ABCA13: variants seen among roughly 807,000 people sequenced by gnomAD.
ABCA13 encodes ATP-binding cassette sub-family A member 13.
A neutral mutation model predicts 478.7 loss-of-function variants in ABCA13; 476 were observed. The ratio of observed to expected loss-of-function variants is 0.99; its 90% confidence interval spans 0.92 to 1.07. The LOEUF is 1.07. Ranked by LOEUF, ABCA13 falls within the 50% of genes least tolerant of loss-of-function variation. The pLI is 0.00. For synonymous variants in ABCA13, 2,252 were observed against 2,158.9 expected (o/e 1.04, Z -1.20); for missense variants, 6,060 against 5,910.6 (o/e 1.03, Z -0.83).
At chr7:48,373,071 G>A (rs1490373699) in intron 33 of ABCA13, among the ~76,000 whole-genome samples, 1 of 152,142 alleles carries the variant, frequency 6.6e-6, no homozygotes, top group Non-Finnish European at 1.5e-5. Flanking sequence ...TCAAAGCGAG[G>A]GTGAACCATC....
chr7:48,619,670 C>T (rs1792940702), intron 59 of ABCA13, among the ~76,000 whole-genome samples: 2 of 152,058 alleles, frequency 1.3e-5, no homozygotes, highest in African/African-American at 4.8e-5. Flanking sequence ...CTAGAGTGTT[C>T]CGTGAAAGTG....
intron 15 of ABCA13, among the ~76,000 whole-genome samples, chr7:48,253,897 CT>C (rs201562067): frequency 1.3e-4 from 20 of 151,038 alleles, no homozygotes; most frequent in Non-Finnish European, 2.8e-4. Context: ...ACCTCAATTT[CT>C]TTTTTTTTCT....
Position 48,248,374 on chromosome 7 carries a change from C to T in ABCA13, c.1795C>T (p.Leu599=). Residue 599 remains leucine, a synonymous_variant, in exon 14 of 62, where the codon CTG becomes TTG. Coordinates refer to ENST00000435803, the MANE Select transcript of ABCA13 (RefSeq NM_152701.5). ...TTCCTGTACTCGGCTCTTCCTGCTGCTGGGAGCTGATCCCTCTCCTGAGAA... is the reference window on the plus strand; with the variant it reads ...TTCCTGTACTCGGCTCTTCCTGCTGTTGGGAGCTGATCCCTCTCCTGAGAA... ...SLSCTRLFLL[L]GADPSPENDV... is the part of the protein sequence containing the mutation. 1 of 1,613,730 alleles carries T rather than the reference C, an allele frequency of 6.2e-7. No individual in the cohort carries two copies. Among genetic ancestry groups the T allele is most frequent in the Non-Finnish European group, 8.5e-7 (1 of 1,179,728 alleles).
Position 48,287,980 on chromosome 7 carries a change from G to A in ABCA13, c.8857G>A (p.Asp2953Asn). ...IVAENPSWTK[D>N]ILCATLSCKQ... is the part of the protein sequence containing the mutation. ...GGCAGAAAACCCTTCCTGGACCAAG[G>A]ACATTTTGTGTGCTACTCTGAGTTG... is the stretch of plus-strand genomic sequence containing the variant. Residue 2953 changes from aspartate (D) to asparagine (N), a missense_variant, in exon 20 of 62, where the codon GAC becomes AAC. Coordinates refer to ENST00000435803, the MANE Select transcript of ABCA13 (RefSeq NM_152701.5). 1 of 1,613,858 alleles carries A rather than the reference G, an allele frequency of 6.2e-7. No individual in the cohort carries two copies. The highest frequency in any genetic ancestry group is 8.5e-7 in the Non-Finnish European group (1 of 1,179,840).
intron 39 of ABCA13, among the ~76,000 whole-genome samples, chr7:48,405,839 G>A (rs530286860): frequency 5.7e-4 from 81 of 142,378 alleles, no homozygotes; most frequent in Non-Finnish European, 5.8e-4. Flanking sequence ...ACTGTCCTTC[G>A]TTGTTTAGCA....
intron 1 of ABCA13, among the ~76,000 whole-genome samples, chr7:48,190,236 C>T (rs1796915229): frequency 6.6e-6 from 1 of 152,108 alleles, no homozygotes; most frequent in African/African-American, 2.4e-5. Flanking sequence ...AATGGTACCT[C>T]ACGGATCTAC....
intron 29 of ABCA13, among the ~76,000 whole-genome samples, chr7:48,344,231 G>A (rs1469073968): frequency 2.0e-5 from 3 of 152,186 alleles, no homozygotes; most frequent in African/African-American, 4.8e-5. Flanking sequence ...CCACCTAACA[G>A]GTAGAGGCTA....
chr7:48,623,387 A>T (rs1432397686), intron 59 of ABCA13, among the ~76,000 whole-genome samples: 1 of 152,038 alleles, frequency 6.6e-6, no homozygotes, highest in Non-Finnish European at 1.5e-5. Flanking sequence ...GAGTGTTTTT[A>T]TTCTGTTTGA....
At chr7:48,644,579 T>G in intron 60 of ABCA13, 38 bp from the exon 61 acceptor site, 1 of 1,555,462 alleles carries the variant, frequency 6.4e-7, no homozygotes, top group Non-Finnish European at 8.7e-7. Context: ...ATAATGCTAG[T>G]TATATGATAC....
At chr7:48,539,944 C>T (rs1019507265) in intron 55 of ABCA13, among the ~76,000 whole-genome samples, 4 of 152,124 alleles carry the variant, frequency 2.6e-5, no homozygotes, top group Admixed American at 2.6e-4. Flanking sequence ...TTGGGTTAAT[C>T]TATGTCAATA....
chr7:48,297,786 C>CCTT (rs1554424130), intron 22 of ABCA13, among the ~76,000 whole-genome samples: 1 of 142,000 alleles, frequency 7.0e-6, no homozygotes. Flanking sequence ...TTCTTTCTTT[C>CCTT]TTTTTTTTTT....
intron 42 of ABCA13, among the ~76,000 whole-genome samples, chr7:48,447,529 C>T (rs995148795): frequency 3.9e-5 from 6 of 152,012 alleles, no homozygotes; most frequent in African/African-American, 1.4e-4. Context: ...GCAATGAAGC[C>T]CCATTAATGA....
chr7:48,205,828 G>A (rs936972522), intron 3 of ABCA13, among the ~76,000 whole-genome samples: 1 of 152,012 alleles, frequency 6.6e-6, no homozygotes, highest in Non-Finnish European at 1.5e-5. Flanking sequence ...GTTACACTAT[G>A]TTACTTATCA....
intron 42 of ABCA13, among the ~76,000 whole-genome samples, chr7:48,451,851 C>T (rs1238757748): frequency 2.0e-5 from 3 of 152,130 alleles, no homozygotes; most frequent in Non-Finnish European, 4.4e-5. Flanking sequence ...TTTTCCCAAG[C>T]AATTTGATGG....
intron 58 of ABCA13, among the ~76,000 whole-genome samples, chr7:48,597,931 A>T (rs1790466646): frequency 6.6e-6 from 1 of 152,152 alleles, no homozygotes; most frequent in Non-Finnish European, 1.5e-5. Flanking sequence ...ATTAAAATTG[A>T]TGAGCCTACA....
chr7:48,493,238 G>A (rs1446815683), intron 48 of ABCA13, among the ~76,000 whole-genome samples: 2 of 152,040 alleles, frequency 1.3e-5, no homozygotes, highest in South Asian at 4.1e-4. Context: ...AAGTGAATTT[G>A]CTTTTGCACT....
intron 15 of ABCA13, among the ~76,000 whole-genome samples, chr7:48,250,974 T>A (rs1413930432): frequency 6.6e-6 from 1 of 152,192 alleles, no homozygotes; most frequent in Non-Finnish European, 1.5e-5. Flanking sequence ...TATTACGACC[T>A]TGCCTTTTCT....
chr7:48,587,277 A>G lies in ABCA13; in HGVS notation c.14629A>G (p.Ile4877Val), dbSNP rs1789279251. 1 of 1,606,592 alleles carries G rather than the reference A, an allele frequency of 6.2e-7. No individual in the cohort carries two copies. The highest frequency in any genetic ancestry group is 2.2e-5 in the East Asian group (1 of 44,648). The change falls in exon 57 of 62, where the codon ATT becomes GTT. Residue 4877 changes from isoleucine (I) to valine (V), a missense_variant. Around this residue, in one of 3 missense-constraint regions of ABCA13, gnomAD observed 1,627 missense variants for 1,571.0 expected, o/e 1.04. Coordinates refer to ENST00000435803, the MANE Select transcript of ABCA13 (RefSeq NM_152701.5). Reference protein sequence around the residue: ...TALALVGKPDILLLDEPSSGM... With the variant: ...TALALVGKPDVLLLDEPSSGM... Reference sequence around the variant, plus strand: ...CCTGGCCCTGGTGGGGAAACCTGACATTCTTTTATTGGTGAGTAGAAGAAT... The same window carrying G: ...CCTGGCCCTGGTGGGGAAACCTGACGTTCTTTTATTGGTGAGTAGAAGAAT...
chr7:48,215,980 T>C (rs1786411812), intron 3 of ABCA13, among the ~76,000 whole-genome samples: 1 of 152,224 alleles, frequency 6.6e-6, no homozygotes, highest in African/African-American at 2.4e-5. Flanking sequence ...TTCCCTTGTA[T>C]AGATACAGGA....
Sources: gnomAD v4.1 joint callset for allele counts (sites outside exome capture counted in the v4.1 genomes callset) on GRCh38, gnomAD v4.1.1 for gene constraint, gnomAD v4.1.1 regional missense constraint, MANE v1.5 for transcripts, NCBI Gene and HGNC (gene_info 2026-07-23, HGNC 2026-07-21) for gene names.